Variants in SORCS3 observed in about 807,000 individuals in gnomAD.
SORCS3 encodes VPS10 domain-containing receptor SorCS3.
SORCS3 carries 57 observed loss-of-function variants against 146.3 expected under a neutral mutation model. That is an observed-to-expected ratio of 0.39 (90% confidence interval 0.31 to 0.49). SORCS3 has a LOEUF of 0.49. Among genes scored for constraint, SORCS3 ranks in the 20% least tolerant of loss-of-function variants. The pLI is 0.92. For missense variants in SORCS3, 1,341 were observed against 1,575.5 expected (o/e 0.85, Z 2.52); for synonymous variants, 653 against 618.5 (o/e 1.06, Z -0.83).
At chr10:104,676,402 A>G (rs1040131527) in intron 1 of SORCS3, among the ~76,000 whole-genome samples, 1 of 152,218 alleles carries the variant, frequency 6.6e-6, no homozygotes, top group African/African-American at 2.4e-5. Context: ...ACTTTTGTTG[A>G]CATCATCTAA....
chr10:104,984,045 T>C (rs1191945857), intron 4 of SORCS3, among the ~76,000 whole-genome samples: 1 of 152,180 alleles, frequency 6.6e-6, no homozygotes, highest in African/African-American at 2.4e-5. Context: ...GCGTGCTTTT[T>C]CAGCCACTAC....
intron 2 of SORCS3, among the ~76,000 whole-genome samples, chr10:104,884,577 T>A (rs527338149): frequency 1.3e-5 from 2 of 152,222 alleles, no homozygotes; most frequent in South Asian, 4.2e-4. Context: ...TTAGGAAGAA[T>A]AATCATGTTG....
chr10:104,658,340 T>C (rs1434113216), intron 1 of SORCS3, among the ~76,000 whole-genome samples: 1 of 152,202 alleles, frequency 6.6e-6, no homozygotes, highest in African/African-American at 2.4e-5. Context: ...TGTATGCACA[T>C]GAGTATTATG....
intron 4 of SORCS3, among the ~76,000 whole-genome samples, chr10:104,988,537 C>T (rs1042796449): frequency 9.2e-5 from 14 of 152,212 alleles, no homozygotes; most frequent in East Asian, 5.8e-4. Flanking sequence ...CAGTTTTGTT[C>T]GCTTTTCCCA....
At chr10:104,706,502 C>T (rs553820246) in intron 1 of SORCS3, among the ~76,000 whole-genome samples, 9 of 152,176 alleles carry the variant, frequency 5.9e-5, no homozygotes, top group East Asian at 3.9e-4. Context: ...CCACTGTGCC[C>T]GGGCCAGAGA....
intron 1 of SORCS3, among the ~76,000 whole-genome samples, chr10:104,793,423 G>A (rs1206766643): frequency 1.3e-5 from 2 of 152,146 alleles, no homozygotes; most frequent in African/African-American, 2.4e-5. Flanking sequence ...TTGACAATAT[G>A]TGTCTTAATA....
intron 1 of SORCS3, among the ~76,000 whole-genome samples, chr10:104,816,500 T>C (rs912025394): frequency 7.2e-5 from 11 of 152,318 alleles, no homozygotes; most frequent in African/African-American, 2.2e-4. Flanking sequence ...CTTATCACTT[T>C]GCTAATTATT....
At chr10:104,643,712 GTGTGTGT>G (rs2015457245) in intron 1 of SORCS3, among the ~76,000 whole-genome samples, 5 of 125,010 alleles carry the variant, frequency 4.0e-5, no homozygotes, top group East Asian at 2.0e-4. Flanking sequence ...TAATTAGGGT[GTGTGTGT>G]GTGTGTGTGT....
intron 2 of SORCS3, among the ~76,000 whole-genome samples, chr10:104,847,076 C>T (rs139400570): frequency 6.6e-6 from 1 of 152,318 alleles, no homozygotes; most frequent in African/African-American, 2.4e-5. Context: ...GGGAGGACCA[C>T]ATCTTTCTCA....
intron 1 of SORCS3, among the ~76,000 whole-genome samples, chr10:104,799,344 C>G (rs1046203159): frequency 1.3e-5 from 2 of 152,120 alleles, no homozygotes; most frequent in South Asian, 4.2e-4. Flanking sequence ...CATATATACA[C>G]CATGGAATAC....
intron 1 of SORCS3, among the ~76,000 whole-genome samples, chr10:104,800,438 T>G (rs1170422063): frequency 6.6e-6 from 1 of 152,178 alleles, no homozygotes; most frequent in East Asian, 1.9e-4. Flanking sequence ...ACCAAAAGAA[T>G]GCACACCTCT....
At chr10:105,062,776 A>G (rs1317175393) in intron 5 of SORCS3, among the ~76,000 whole-genome samples, 1 of 152,238 alleles carries the variant, frequency 6.6e-6, no homozygotes, top group Non-Finnish European at 1.5e-5. Context: ...TTGTTTGTCC[A>G]AGGAAGTGCC....
chr10:105,180,142 C>G (rs1321785577), intron 14 of SORCS3, among the ~76,000 whole-genome samples: 1 of 152,184 alleles, frequency 6.6e-6, no homozygotes, highest in East Asian at 1.9e-4. Context: ...CTGCAAGGAG[C>G]TCTCAGACTT....
intron 4 of SORCS3, among the ~76,000 whole-genome samples, chr10:105,034,142 G>A (rs749540852): frequency 1.4e-4 from 21 of 152,082 alleles, no homozygotes; most frequent in Non-Finnish European, 2.1e-4. Flanking sequence ...ATAAGAGAAC[G>A]GAGAGCCGTG....
At chr10:105,218,909 G>A (rs2056681022) in intron 19 of SORCS3, among the ~76,000 whole-genome samples, 2 of 152,100 alleles carry the variant, frequency 1.3e-5, no homozygotes, top group African/African-American at 4.8e-5. Flanking sequence ...CAGCTACTAG[G>A]GAGGCTGAGG....
At chr10:104,980,218 C>T (rs1159753032) in intron 4 of SORCS3, among the ~76,000 whole-genome samples, 1 of 152,104 alleles carries the variant, frequency 6.6e-6, no homozygotes, top group Non-Finnish European at 1.5e-5. Flanking sequence ...ATATATTATT[C>T]CTTAGGTACT....
chr10:104,646,560 G>T (rs2015497918), intron 1 of SORCS3, among the ~76,000 whole-genome samples: 1 of 152,230 alleles, frequency 6.6e-6, no homozygotes, highest in African/African-American at 2.4e-5. Context: ...GTGATAGAAA[G>T]ATTTGGCTGG....
chr10:104,666,955 C>T (rs2015785893), intron 1 of SORCS3, among the ~76,000 whole-genome samples: 1 of 151,600 alleles, frequency 6.6e-6, no homozygotes, highest in African/African-American at 2.4e-5. Flanking sequence ...TTATTAGGGG[C>T]ATAAGATGTA....
intron 5 of SORCS3, among the ~76,000 whole-genome samples, chr10:105,083,829 C>A (rs1223710235): frequency 6.6e-6 from 1 of 152,120 alleles, no homozygotes; most frequent in African/African-American, 2.4e-5. Flanking sequence ...TTCCTAAATG[C>A]TGCTTTAAAG....
Sources: gnomAD v4.1 joint callset for allele counts (sites outside exome capture counted in the v4.1 genomes callset) on GRCh38, gnomAD v4.1.1 for gene constraint, MANE v1.5 for transcripts, NCBI Gene and HGNC (gene_info 2026-07-23, HGNC 2026-07-21) for gene names.